MRTFA: variants seen among roughly 807,000 people sequenced by gnomAD.
MRTFA encodes myocardin related transcription factor A.
Under a neutral mutation model 83.5 loss-of-function variants are expected in MRTFA, and 20 were observed. The ratio of observed to expected loss-of-function variants is 0.24; its 90% CI spans 0.17 to 0.35. The LOEUF is 0.35. MRTFA is among the 10% of genes least tolerant of loss of function. The probability of loss-of-function intolerance (pLI) is 1.00; values close to 1 mark genes in which losing one functional copy is unlikely to be tolerated. For synonymous variants in MRTFA, 659 were observed against 541.2 expected (o/e 1.22, Z -3.02); for missense variants, 1,200 against 1,224.7 (o/e 0.98, Z 0.30).
intron 5 of MRTFA, 149 bp from the exon 6 acceptor site, chr22:40,431,629 C>A: frequency 1.4e-6 from 1 of 725,402 alleles, no homozygotes; most frequent in South Asian, 1.6e-5. Flanking sequence ...GGTTCGGAGG[C>A]AAGAGTAGGC....
chr22:40,434,515 A>G (rs1275141883), intron 5 of MRTFA, among the ~76,000 whole-genome samples: 2 of 152,146 alleles, frequency 1.3e-5, no homozygotes, highest in Non-Finnish European at 2.9e-5. Context: ...TGAGGCCAAG[A>G]GTTTGAGACC....
rs1310907569 is a variant in MRTFA, at chr22:40,459,186, C to CG, written c.307+4034dup. On this transcript the variant is annotated intron_variant, in intron 4 of 14. Coordinates refer to ENST00000355630, the MANE Select transcript of MRTFA (RefSeq NM_020831.6). ...GGATGTTGGAGATTACAAAAGGAGT[C>CG]GGGGGACACAGGGTAGTGGTGAGGG... 2.5e-5 allele frequency among the ~76,000 whole-genome samples: 3 copies of CG among 122,278 alleles called. No individual in the cohort carries two copies. The Admixed American group carries it at 3.0e-4, about 12-fold the overall frequency. 80.2% of individuals were successfully genotyped at this position (122,278 alleles called of 152,430 possible).
At chr22:40,469,189 A>G (rs1022032418) in intron 3 of MRTFA, among the ~76,000 whole-genome samples, 3 of 152,204 alleles carry the variant, frequency 2.0e-5, no homozygotes, top group Non-Finnish European at 4.4e-5. Flanking sequence ...AACAGTTCAA[A>G]TGTGTGCCCC....
chr22:40,493,778 C>T (rs1355059498), intron 3 of MRTFA, among the ~76,000 whole-genome samples: 1 of 152,204 alleles, frequency 6.6e-6, no homozygotes, highest in Non-Finnish European at 1.5e-5. Flanking sequence ...TAAATTTACA[C>T]TTACCATAAA....
chr22:40,519,017 GTTTT>G (rs112569374), intron 3 of MRTFA, among the ~76,000 whole-genome samples: 1 of 141,740 alleles, frequency 7.1e-6, no homozygotes, highest in Non-Finnish European at 1.5e-5. Flanking sequence ...TGTTTTTGGG[GTTTT>G]TTTTTTTTGA....
intron 3 of MRTFA, among the ~76,000 whole-genome samples, chr22:40,514,488 T>C (rs2054723414): frequency 6.6e-6 from 1 of 150,822 alleles, no homozygotes; most frequent in African/African-American, 2.4e-5. Flanking sequence ...TTTTTTTTTT[T>C]TTTTGAGTCA....
intron 5 of MRTFA, chr22:40,433,257 A>G (rs1276610266): frequency 6.5e-6 from 1 of 154,950 alleles, no homozygotes; most frequent in African/African-American, 2.4e-5. Context: ...GGCCAAATTT[A>G]AAGATACGGA....
In MRTFA at chr22:40,490,668, T is replaced by C. The variant is rs553475694; in HGVS notation, c.242-27382A>G. On this transcript the variant is annotated intron_variant, in intron 3 of 14. Coordinates refer to ENST00000355630, the MANE Select transcript of MRTFA (RefSeq NM_020831.6). ...CTGCAAACTGGGCACTGATAATCAC[T>C]CCATCTCGTCTTCGATGTGTCCATT... Among the ~76,000 whole-genome samples, 20 of 151,982 alleles carry C rather than the reference T, an allele frequency of 1.3e-4. No homozygotes were observed. In the South Asian group the frequency reaches 3.9e-3, roughly 30 times the overall value.
intron 2 of MRTFA, among the ~76,000 whole-genome samples, chr22:40,558,066 C>G (rs549790416): frequency 6.6e-6 from 1 of 151,212 alleles, no homozygotes; most frequent in African/African-American, 2.4e-5. Context: ...GAGAGCTCAC[C>G]GAGTCCAGCC....
In MRTFA at chr22:40,457,463, A is replaced by AAAGAAAGAAAGG. The variant is rs2053610570; in HGVS notation, c.307+5757_307+5758insCCTTTCTTTCTT. Among the ~76,000 whole-genome samples the AAAGAAAGAAAGG allele has an allele frequency of 2.0e-5, 3 of 150,822 alleles. No individual in the cohort carries two copies. The South Asian group carries it at 6.3e-4, about 32-fold the overall frequency. On this transcript the variant is annotated intron_variant, in intron 4 of 14. Transcript: ENST00000355630. Reference sequence around the variant, plus strand: ...GAAAGAAAGAAAGAAAGAAAGAAAGAAAGAAAGAAAGAAAGAAAGAAAGAA... The same window carrying AAAGAAAGAAAGG: ...GAAAGAAAGAAAGAAAGAAAGAAAGAAAGAAAGAAAGGAAGAAAGAAAGAAAGAAAGAAAGAA...
intron 2 of MRTFA, among the ~76,000 whole-genome samples, chr22:40,579,086 T>C (rs2055910338): frequency 6.6e-6 from 1 of 152,002 alleles, no homozygotes; most frequent in South Asian, 2.1e-4. Context: ...CCAGCATGGG[T>C]AACAGAGTGA....
intron 4 of MRTFA, among the ~76,000 whole-genome samples, chr22:40,456,667 A>G (rs5995860): frequency 0.12 from 19,016 of 152,212 alleles, 1,382 homozygotes; most frequent in East Asian, 0.24. Flanking sequence ...AGCCTGGATA[A>G]CAGAACCAGA....
Position 40,418,776 on chromosome 22 carries a change from C to T in MRTFA, c.1962G>A (p.Gln654=). 1 of 1,572,514 alleles carries T rather than the reference C, an allele frequency of 6.4e-7. No individual in the cohort carries two copies. Among genetic ancestry groups the T allele is most frequent in the East Asian group, 2.3e-5 (1 of 43,078 alleles). ...GCTGGGCTCGCTTCTCCTGCTCCAG[C>T]TGCAGCTTGAGCCGCTCCACCAGCT... Residue 654 remains glutamine (Q), a synonymous_variant, in exon 12 of 15, where the codon CAG becomes CAA. Coordinates refer to ENST00000355630, the MANE Select transcript of MRTFA (RefSeq NM_020831.6).
At chr22:40,531,262 CTTTTTTT>C (rs397868211) in intron 3 of MRTFA, among the ~76,000 whole-genome samples, 13 of 108,110 alleles carry the variant, frequency 1.2e-4, no homozygotes, top group Admixed American at 4.1e-4. Context: ...TCATACCTGG[CTTTTTTT>C]TTTTTTTTTT....
At position 40,480,046 on chromosome 22, in the gene MRTFA, A is replaced by G. The variant is rs1337183650; in HGVS notation, c.242-16760T>C. ...TGTGTAATAACTTATAAAATGGTGT[A>G]AACATGCATGCATCATCTTATTTCT... On this transcript the variant is annotated intron_variant, in intron 3 of 14. Transcript: ENST00000355630. 2.0e-5 allele frequency among the ~76,000 whole-genome samples: 3 copies of G among 152,158 alleles called. No homozygotes were observed. In the East Asian group the frequency reaches 5.8e-4, roughly 29 times the overall value.
intron 1 of MRTFA, among the ~76,000 whole-genome samples, chr22:40,628,797 A>G (rs1340297489): frequency 1.3e-5 from 2 of 152,186 alleles, no homozygotes; most frequent in African/African-American, 4.8e-5. Context: ...AACTCAAATC[A>G]TTTAATTTCA....
intron 2 of MRTFA, among the ~76,000 whole-genome samples, chr22:40,556,906 C>T (rs2055533839): frequency 6.6e-6 from 1 of 152,176 alleles, no homozygotes; most frequent in Non-Finnish European, 1.5e-5. Flanking sequence ...GAACTAACCT[C>T]CTTATTCAAA....
At chr22:40,576,178 G>A (rs865935115) in intron 2 of MRTFA, among the ~76,000 whole-genome samples, 11 of 151,734 alleles carry the variant, frequency 7.2e-5, no homozygotes, top group African/African-American at 2.4e-4. Flanking sequence ...ACAGGTGCGC[G>A]CCACCACGCT....
chr22:40,583,990 CTTTG>C (rs1380427685), intron 2 of MRTFA, among the ~76,000 whole-genome samples: 2 of 152,182 alleles, frequency 1.3e-5, no homozygotes, highest in African/African-American at 4.8e-5. Flanking sequence ...CTGCATAGTA[CTTTG>C]TATGTCCAGA....
Sources: gnomAD v4.1 joint callset for allele counts (sites outside exome capture counted in the v4.1 genomes callset) on GRCh38, gnomAD v4.1.1 for gene constraint, MANE v1.5 for transcripts, NCBI Gene and HGNC (gene_info 2026-07-23, HGNC 2026-07-21) for gene names.